Variants in DNAAF9 observed in about 807,000 individuals in gnomAD.
The protein encoded by DNAAF9 is shulin.
A neutral mutation model predicts 167.0 loss-of-function variants in DNAAF9; 90 were observed. The observed-to-expected ratio is 0.54, with a 90% CI of 0.45 to 0.64. DNAAF9 has a LOEUF of 0.64. Among genes scored for constraint, DNAAF9 ranks in the 30% least tolerant of loss-of-function variants. DNAAF9 has a pLI of 0.00. For missense variants in DNAAF9, 1,315 were observed against 1,442.2 expected (o/e 0.91, Z 1.43); for synonymous variants, 491 against 508.8 (o/e 0.96, Z 0.47).
chr20:3,311,103 A>C (rs1162865165), intron 20 of DNAAF9, among the ~76,000 whole-genome samples: 2 of 152,234 alleles, frequency 1.3e-5, no homozygotes, highest in Non-Finnish European at 2.9e-5. Flanking sequence ...AAGAATGCTC[A>C]TAACAGTACA....
chr20:3,298,043 C>G lies in DNAAF9; in HGVS notation c.1915G>C (p.Ala639Pro). 6.2e-7 allele frequency: 1 copy of G among 1,613,012 alleles called. No individual in the cohort carries two copies. The highest frequency in any genetic ancestry group is 8.5e-7 in the Non-Finnish European group (1 of 1,179,048). Residue 639 changes from alanine to proline, a missense_variant, in exon 22 of 37, where the codon GCA becomes CCA. Coordinates refer to ENST00000252032, the MANE Select transcript of DNAAF9 (RefSeq NM_001009984.3). ...ALFPKSKIYQ[A>P]FYSEVFSLWK... ...ACTGATATTACCTCTGAGTAAAATG[C>G]TTGGTATATCTTCGATTTGGGGAAA... is the stretch of plus-strand genomic sequence containing the variant.
Position 3,334,630 on chromosome 20 carries a change from T to C in DNAAF9, c.982-2269A>G, listed in dbSNP as rs151004464. Among the ~76,000 whole-genome samples the C allele has an allele frequency of 1.2e-4, 19 of 152,356 alleles. No homozygotes were observed. In the East Asian group the frequency reaches 1.7e-3, roughly 14 times the overall value. ...TTAGTTTTGTAAGGAAATGCCAAACTGTCTTCCAAAGTGACTGTACCTTTT... is the reference window on the plus strand; with the variant it reads ...TTAGTTTTGTAAGGAAATGCCAAACCGTCTTCCAAAGTGACTGTACCTTTT... On this transcript the variant is annotated intron_variant, in intron 10 of 36. Transcript: ENST00000252032.
chr20:3,376,352 T>C (rs769927313), intron 3 of DNAAF9, 50 bp from the exon 4 acceptor site: 11 of 1,488,648 alleles, frequency 7.4e-6, no homozygotes, highest in Non-Finnish European at 9.1e-6. Context: ...ACATTTCTTT[T>C]AGATATTTTC....
chr20:3,284,285 A>C (rs541839725), intron 27 of DNAAF9, among the ~76,000 whole-genome samples: 1 of 149,832 alleles, frequency 6.7e-6, no homozygotes, highest in South Asian at 2.1e-4. Context: ...GGCTCAAGCG[A>C]TCCTCCTGCC....
At chr20:3,302,660 T>C (rs2069211585) in intron 21 of DNAAF9, among the ~76,000 whole-genome samples, 1 of 152,200 alleles carries the variant, frequency 6.6e-6, no homozygotes, top group East Asian at 1.9e-4. Context: ...AAAATCACTA[T>C]GTTGAGTGGA....
At chr20:3,347,249 A>C (rs1050414237) in intron 8 of DNAAF9, among the ~76,000 whole-genome samples, 1 of 152,222 alleles carries the variant, frequency 6.6e-6, no homozygotes, top group Non-Finnish European at 1.5e-5. Context: ...AAGATCTTTC[A>C]AGTATCAAAA....
chr20:3,294,700 T>C, intron 23 of DNAAF9, 71 bp from the exon 24 acceptor site: 1 of 978,884 alleles, frequency 1.0e-6, no homozygotes. Context: ...CAACTGGGCC[T>C]GATGCTTTCA....
chr20:3,406,440 C>T (rs905208967), intron 1 of DNAAF9, among the ~76,000 whole-genome samples: 14 of 152,290 alleles, frequency 9.2e-5, no homozygotes, highest in African/African-American at 3.1e-4. Flanking sequence ...GACAGTTTAG[C>T]AGTACCAAAG....
At chr20:3,295,500 GC>G (rs1485971235) in intron 23 of DNAAF9, 1 of 253,830 alleles carries the variant, frequency 3.9e-6, no homozygotes, top group African/African-American at 2.4e-5. Flanking sequence ...TTTTAAAGAA[GC>G]CCAAACACAT....
intron 34 of DNAAF9, among the ~76,000 whole-genome samples, chr20:3,255,780 A>G (rs1414897706): frequency 1.3e-5 from 2 of 152,220 alleles, no homozygotes; most frequent in African/African-American, 4.8e-5. Context: ...CAAACCTTGC[A>G]GAGAACCTGG....
intron 29 of DNAAF9, among the ~76,000 whole-genome samples, chr20:3,274,938 C>A (rs2068653770): frequency 2.0e-5 from 3 of 152,352 alleles, no homozygotes; most frequent in South Asian, 4.1e-4. Flanking sequence ...CCCCTGGTCC[C>A]CTGCCTCTAG....
At position 3,281,679 on chromosome 20, in the gene DNAAF9, T is replaced by A. The variant is rs1279117475; in HGVS notation, c.2574A>T (p.Thr858=). Residue 858 remains threonine (T), a synonymous_variant, in exon 28 of 37, where the codon ACA becomes ACT. Coordinates refer to ENST00000252032, the MANE Select transcript of DNAAF9 (RefSeq NM_001009984.3). The stretch of plus-strand genomic sequence containing the variant: ...AGCAGCTCATGGGCTCCACACATGC[T>A]GTGATGGCACCAATGGTGAAGGAGG... ...VKASFTIGAI[T]ACVEPMSCYM... 3.7e-6 allele frequency: 6 copies of A among 1,613,006 alleles called. No individual in the cohort carries two copies. The African/African-American group carries it at 8.0e-5, about 22-fold the overall frequency.
rs1011468357 is a variant in DNAAF9 at position 3,332,991 on chromosome 20, G to C, written c.982-630C>G. Among the ~76,000 whole-genome samples, 61 of 151,470 alleles carry C rather than the reference G, an allele frequency of 4.0e-4. 1 individual carries two copies. The highest frequency in any genetic ancestry group is 1.5e-3 in the African/African-American group (60 of 41,296). ...GCTGTTGGATACTCAGTTAGCCCAG[G>C]GATGCTAGGGCAATCATGATTCAGA... On this transcript the variant is annotated intron_variant, in intron 10 of 36. Coordinates refer to ENST00000252032, the MANE Select transcript of DNAAF9 (RefSeq NM_001009984.3).
intron 20 of DNAAF9, among the ~76,000 whole-genome samples, chr20:3,308,718 T>C (rs2069348769): frequency 6.6e-6 from 1 of 151,424 alleles, no homozygotes; most frequent in Non-Finnish European, 1.5e-5. Flanking sequence ...GGCTCACGCC[T>C]GTAATCCCAG....
At chr20:3,400,062 T>C (rs2083962430) in intron 1 of DNAAF9, among the ~76,000 whole-genome samples, 1 of 152,240 alleles carries the variant, frequency 6.6e-6, no homozygotes, top group East Asian at 1.9e-4. Flanking sequence ...TATCTGAAGT[T>C]TGTTCACTAT....
At chr20:3,272,240 T>A (rs968848569) in intron 29 of DNAAF9, among the ~76,000 whole-genome samples, 1 of 152,214 alleles carries the variant, frequency 6.6e-6, no homozygotes, top group Non-Finnish European at 1.5e-5. Flanking sequence ...GTTAATAATT[T>A]TTGAATCAGG....
intron 20 of DNAAF9, among the ~76,000 whole-genome samples, chr20:3,306,487 T>C (rs2069296147): frequency 6.6e-6 from 1 of 152,198 alleles, no homozygotes. Flanking sequence ...TTTTCTGTTT[T>C]CACAATTGTA....
chr20:3,383,361 C>T (rs1387732335), intron 1 of DNAAF9, among the ~76,000 whole-genome samples: 1 of 151,122 alleles, frequency 6.6e-6, no homozygotes, highest in Non-Finnish European at 1.5e-5. Flanking sequence ...CTCTGCCTCC[C>T]AGGTTCAAGT....
intron 1 of DNAAF9, chr20:3,384,192 T>C (rs1018229513): frequency 3.3e-5 from 5 of 152,224 alleles, no homozygotes; most frequent in Non-Finnish European, 5.9e-5. Flanking sequence ...TTTCATAGTC[T>C]TCCATGTGAT....
Sources: gnomAD v4.1 joint callset for allele counts (sites outside exome capture counted in the v4.1 genomes callset) on GRCh38, gnomAD v4.1.1 for gene constraint, MANE v1.5 for transcripts, NCBI Gene and HGNC (gene_info 2026-07-23, HGNC 2026-07-21) for gene names.